The following CLSTN1 variants were observed in gnomAD, a reference collection of about 807,000 sequenced individuals.
CLSTN1 encodes the protein calsyntenin 1, also known as calsyntenin-1.
Under a neutral mutation model 108.3 loss-of-function variants are expected in CLSTN1, and 28 were observed. The observed-to-expected ratio is 0.26, with a 90% CI of 0.19 to 0.35. The LOEUF (loss-of-function observed/expected upper bound fraction) is 0.35, where lower values mean the gene tolerates loss of function less well. Ranked by LOEUF, CLSTN1 falls within the 10% of genes least tolerant of loss-of-function variation. CLSTN1 has a pLI of 1.00. For missense variants in CLSTN1, 1,157 were observed against 1,302.6 expected, an observed-to-expected ratio of 0.89 and a Z score of 1.72; for synonymous variants, 524 against 534.9, an observed-to-expected ratio of 0.98 and a Z score of 0.28.
chr1:9,816,121 G>T (rs1654958987), intron 1 of CLSTN1, among the ~76,000 whole-genome samples: 1 of 152,086 alleles, frequency 6.6e-6, no homozygotes, highest in South Asian at 2.1e-4. Flanking sequence ...GTCCATCAGT[G>T]AATAAATGGA....
intron 1 of CLSTN1, among the ~76,000 whole-genome samples, chr1:9,817,548 G>A (rs556727354): frequency 2.6e-5 from 4 of 151,932 alleles, no homozygotes; most frequent in African/African-American, 7.2e-5. Flanking sequence ...GGCTGGTCCC[G>A]AACTCCTGAC....
At position 9,737,519 on chromosome 1, in the gene CLSTN1, G is replaced by C. The variant is rs374489493; in HGVS notation, c.1555C>G (p.Pro519Ala). Residue 519 changes from proline (P) to alanine (A), a missense_variant, in exon 11 of 19, where the codon CCT becomes GCT. Transcript: ENST00000377298. Reference sequence around the variant, plus strand: ...CAACCTGCAGAGGCCACAGTCACAGGCTCAGTTTCATTGTCATTTTCAACT... The same window carrying C: ...CAACCTGCAGAGGCCACAGTCACAGCCTCAGTTTCATTGTCATTTTCAACT... Reference protein sequence around the residue: ...SGVENDNETEPVTVASAGGDL... With the variant: ...SGVENDNETEAVTVASAGGDL... 1 of 1,614,034 alleles carries C rather than the reference G, an allele frequency of 6.2e-7. No homozygotes were observed. Among genetic ancestry groups the C allele is most frequent in the African/African-American group, 1.3e-5 (1 of 75,008 alleles).
At position 9,773,438 on chromosome 1, in the gene CLSTN1, T is replaced by C. The variant is rs372573753; in HGVS notation, c.92-44A>G. ...AAAAAAATAGACAAGGTTAGAAATATTATTTTCAACTCCACTACTTTTGAA... is the reference window on the plus strand; with the variant it reads ...AAAAAAATAGACAAGGTTAGAAATACTATTTTCAACTCCACTACTTTTGAA... On this transcript the variant is annotated intron_variant, in intron 1 of 18. Transcript: ENST00000377298. 33 of 1,542,146 alleles carry C rather than the reference T, an allele frequency of 2.1e-5. No homozygotes were observed. The African/African-American group carries it at 3.5e-4, about 16-fold the overall frequency.
chr1:9,816,521 T>TTTTAAGG (rs1654977445), intron 1 of CLSTN1, among the ~76,000 whole-genome samples: 1 of 148,994 alleles, frequency 6.7e-6, no homozygotes, highest in Non-Finnish European at 1.5e-5. Context: ...GAACTATACC[T>TTTTAAGG]CAATAAAGCT....
At chr1:9,809,200 C>T (rs1654627418) in intron 1 of CLSTN1, among the ~76,000 whole-genome samples, 1 of 152,222 alleles carries the variant, frequency 6.6e-6, no homozygotes, top group African/African-American at 2.4e-5. Context: ...AGAGCCCTCC[C>T]TGAGAAGACA....
intron 8 of CLSTN1, 92 bp from the exon 9 acceptor site, chr1:9,744,097 T>C (rs1401701664): frequency 1.3e-6 from 2 of 1,526,940 alleles, no homozygotes; most frequent in East Asian, 4.5e-5. Context: ...AGACACAATT[T>C]CATCTGCATA....
At chr1:9,750,275 A>G in intron 5 of CLSTN1, 1 of 190,888 alleles carries the variant, frequency 5.2e-6, no homozygotes, top group Non-Finnish European at 1.1e-5. Flanking sequence ...TCAAACATTT[A>G]CTATATTAAA....
intron 7 of CLSTN1, among the ~76,000 whole-genome samples, chr1:9,745,687 C>T (rs1018419898): frequency 1.3e-5 from 2 of 151,692 alleles, no homozygotes; most frequent in Non-Finnish European, 2.9e-5. Context: ...AAAGTGGAGT[C>T]CTGCTATGTA....
At position 9,744,388 on chromosome 1, in the gene CLSTN1, A is replaced by AC; in HGVS notation, c.1234+6dup. ...GCCTGGCATCGCTTGCAGAGCTATT[A>AC]CCCTACCTGTTTTATCAGAACTGCA... On this transcript the variant is annotated splice_region_variant and intron_variant, in intron 8 of 18. Coordinates refer to ENST00000377298, the MANE Select transcript of CLSTN1 (RefSeq NM_001009566.3). 6.2e-7 allele frequency: 1 copy of AC among 1,605,338 alleles called. No individual in the cohort carries two copies. Among genetic ancestry groups the AC allele is most frequent in the African/African-American group, 1.3e-5 (1 of 74,930 alleles).
chr1:9,733,339 G>A, intron 16 of CLSTN1, 62 bp downstream of exon 16: 2 of 1,588,104 alleles, frequency 1.3e-6, no homozygotes, highest in Non-Finnish European at 1.7e-6. Context: ...TATTAGGGCT[G>A]CAAATCAGCG....
chr1:9,788,454 G>C (rs763561743), intron 1 of CLSTN1, among the ~76,000 whole-genome samples: 10 of 150,952 alleles, frequency 6.6e-5, no homozygotes, highest in Non-Finnish European at 1.5e-4. Flanking sequence ...GCTAATTCCA[G>C]TCACTTGGGA....
intron 12 of CLSTN1, 127 bp from the exon 13 acceptor site, chr1:9,735,742 C>G: frequency 6.7e-7 from 1 of 1,500,634 alleles, no homozygotes; most frequent in Non-Finnish European, 9.1e-7. Flanking sequence ...AAAAGAAAAG[C>G]TCGTTTAAGT....
At chr1:9,747,090 G>C (rs996809627) in intron 7 of CLSTN1, among the ~76,000 whole-genome samples, 5 of 143,774 alleles carry the variant, frequency 3.5e-5, no homozygotes, top group Non-Finnish European at 7.5e-5. Flanking sequence ...CGAGGCAGGA[G>C]AATCGCTTGA....
Position 9,731,277 on chromosome 1 carries a change from G to C in CLSTN1, c.2677C>G (p.Gln893Glu), listed in dbSNP as rs1557687722. Residue 893 changes from glutamine to glutamate, a missense_variant, in exon 18 of 19, where the codon CAG (glutamine) becomes GAG (glutamate). Coordinates refer to ENST00000377298, the MANE Select transcript of CLSTN1 (RefSeq NM_001009566.3). Reference sequence around the variant, plus strand: ...ATCTCGTTCTCCTTCCCGGTGTCCTGATCCCGCATGGTCCGCCGATGTGCG... The same window carrying C: ...ATCTCGTTCTCCTTCCCGGTGTCCTCATCCCGCATGGTCCGCCGATGTGCG... ...RAAHRRTMRDQDTGKENEMDW... is the reference protein window; with the variant it reads ...RAAHRRTMRDEDTGKENEMDW... The C allele has an allele frequency of 1.2e-6, 2 of 1,614,250 alleles. No homozygotes were observed. The highest frequency in any genetic ancestry group is 2.2e-5 in the East Asian group (1 of 44,884).
intron 5 of CLSTN1, among the ~76,000 whole-genome samples, chr1:9,750,361 G>A (rs765084315): frequency 1.3e-5 from 2 of 152,132 alleles, no homozygotes; most frequent in Non-Finnish European, 2.9e-5. Flanking sequence ...TAGATCTCTG[G>A]AAAGTGTTTG....
At chr1:9,764,105 A>AG (rs1491295244) in intron 2 of CLSTN1, among the ~76,000 whole-genome samples, 6 of 114,780 alleles carry the variant, frequency 5.2e-5, no homozygotes, top group African/African-American at 3.0e-4. Context: ...AGGGAGAAAG[A>AG]AAGAGAGAGA....
intron 1 of CLSTN1, among the ~76,000 whole-genome samples, chr1:9,820,993 G>A (rs1226352851): frequency 6.6e-6 from 1 of 152,154 alleles, no homozygotes; most frequent in African/African-American, 2.4e-5. Flanking sequence ...GCATTACATG[G>A]TTGCATTTTT....
chr1:9,751,664 T>C lies in CLSTN1; in HGVS notation c.458A>G (p.Gln153Arg), dbSNP rs755616693. The C allele has an allele frequency of 1.9e-6, 3 of 1,614,134 alleles. No individual in the cohort carries two copies. Among genetic ancestry groups the C allele is most frequent in the Non-Finnish European group, 1.7e-6 (2 of 1,180,006 alleles). Residue 153 changes from glutamine (Q) to arginine (R), a missense_variant, in exon 5 of 19, where the codon CAG becomes CGG. Transcript: ENST00000377298. ...KKSHKATVHIQVNDVNEYAPV... is the reference protein window; with the variant it reads ...KKSHKATVHIRVNDVNEYAPV... ...CGCGTACTCATTCACGTCGTTCACC[T>C]GAATATGAACAGTTGCTCTGGACAA...
At chr1:9,813,071 A>G (rs987639008) in intron 1 of CLSTN1, among the ~76,000 whole-genome samples, 1 of 152,128 alleles carries the variant, frequency 6.6e-6, no homozygotes, top group Non-Finnish European at 1.5e-5. Flanking sequence ...AGGCTGAGGC[A>G]TGAGAATCGC....
Sources: allele counts gnomAD v4.1 joint callset (sites outside exome capture counted in the v4.1 genomes callset), GRCh38; gene constraint gnomAD v4.1.1; transcripts MANE v1.5; gene names NCBI Gene and HGNC (gene_info 2026-07-23, HGNC 2026-07-21).